Variants in MAST2 observed in about 807,000 individuals in gnomAD.
MAST2 encodes the protein microtubule associated serine/threonine kinase 2, also known as microtubule-associated serine/threonine-protein kinase 2.
MAST2 carries 70 observed loss-of-function variants against 147.4 expected under a neutral mutation model. The observed-to-expected ratio is 0.47, with a 90% confidence interval of 0.39 to 0.58. The LOEUF is 0.58. Ranked by LOEUF, MAST2 falls within the 20% of genes least tolerant of loss-of-function variation. MAST2 has a pLI of 0.00. For missense variants in MAST2, 2,080 were observed against 2,302.3 expected (o/e 0.90, Z 1.98); for synonymous variants, 869 against 896.8 (o/e 0.97, Z 0.55).
In MAST2 at chr1:46,032,698, G is replaced by T; in HGVS notation, c.3517G>T (p.Val1173Leu). ...EPVHGLVHTE[V>L]VELILKSGNK... ...TGTGCATGGCCTGGTGCACACGGAG[G>T]TGGTAGAGCTGATCCTGAAGGTTAG... is the stretch of plus-strand genomic sequence containing the variant. The change falls in exon 26 of 29, where the codon GTG becomes TTG. Residue 1173 changes from valine (V) to leucine (L), a missense_variant. By Grantham distance (32) the Val-to-Leu change is conservative. Transcript: ENST00000361297. 6.2e-7 allele frequency: 1 copy of T among 1,613,980 alleles called. No individual in the cohort carries two copies. The highest frequency in any genetic ancestry group is 1.7e-4 in the Middle Eastern group (1 of 6,058).
chr1:45,997,533 A>G (rs774192618), intron 5 of MAST2, among the ~76,000 whole-genome samples, 191 bp from the exon 6 acceptor site: 7 of 152,188 alleles, frequency 4.6e-5, no homozygotes, highest in African/African-American at 1.2e-4. Context: ...TTGTTACAGC[A>G]AACTTGGGAA....
chr1:45,992,693 A>C (rs1266894560), intron 5 of MAST2, among the ~76,000 whole-genome samples: 1 of 152,060 alleles, frequency 6.6e-6, no homozygotes, highest in Non-Finnish European at 1.5e-5. Flanking sequence ...TTAGCTATTG[A>C]CTCAGTTTCT....
intron 22 of MAST2, 95 bp downstream of exon 22, chr1:46,030,856 G>A (rs1646631470): frequency 6.8e-7 from 1 of 1,476,756 alleles, no homozygotes; most frequent in Non-Finnish European, 9.0e-7. Context: ...AGGAGTGCAG[G>A]TGGCAGGGAG....
intron 5 of MAST2, among the ~76,000 whole-genome samples, chr1:45,962,615 GTTGT>G (rs1485512168): frequency 6.6e-6 from 1 of 152,146 alleles, no homozygotes; most frequent in Admixed American, 6.5e-5. Flanking sequence ...TTGTGATGGG[GTTGT>G]TTGTTTTTTT....
intron 3 of MAST2, among the ~76,000 whole-genome samples, chr1:45,836,840 A>G (rs1196350757): frequency 6.6e-6 from 1 of 152,028 alleles, no homozygotes; most frequent in Non-Finnish European, 1.5e-5. Context: ...GCATTCCCCA[A>G]CCTTTTTGGC....
At chr1:45,965,795 T>C (rs1316184613) in intron 5 of MAST2, among the ~76,000 whole-genome samples, 1 of 152,014 alleles carries the variant, frequency 6.6e-6, no homozygotes, top group African/African-American at 2.4e-5. Context: ...ATAAACCATA[T>C]ACCCCCTGCC....
At chr1:45,865,918 T>G (rs781063519) in intron 3 of MAST2, among the ~76,000 whole-genome samples, 2 of 152,206 alleles carry the variant, frequency 1.3e-5, no homozygotes, top group Non-Finnish European at 2.9e-5. Context: ...AAGATTCTAG[T>G]GTAAATCACT....
rs758738026 is a variant in MAST2 at position 46,032,167 on chromosome 1, T to C, written c.3188-11T>C. 1 of 1,611,716 alleles carries C rather than the reference T, an allele frequency of 6.2e-7. No individual in the cohort carries two copies. Among genetic ancestry groups the C allele is most frequent in the Non-Finnish European group, 8.5e-7 (1 of 1,177,806 alleles). ...CTCTGACCCACTAAGTCCTGGCTTC[T>C]CCTTCTCCAGAACACCACACCTGCT... On this transcript the variant is annotated splice_polypyrimidine_tract_variant and intron_variant, in intron 24 of 28. Coordinates refer to ENST00000361297, the MANE Select transcript of MAST2 (RefSeq NM_015112.3).
chr1:46,032,166 C>T lies in MAST2; in HGVS notation c.3188-12C>T. Reference sequence around the variant, plus strand: ...CCTCTGACCCACTAAGTCCTGGCTTCTCCTTCTCCAGAACACCACACCTGC... The same window carrying T: ...CCTCTGACCCACTAAGTCCTGGCTTTTCCTTCTCCAGAACACCACACCTGC... On this transcript the variant is annotated splice_polypyrimidine_tract_variant and intron_variant, in intron 24 of 28. Coordinates refer to ENST00000361297, the MANE Select transcript of MAST2 (RefSeq NM_015112.3). 2.5e-6 allele frequency: 4 copies of T among 1,611,378 alleles called. No homozygotes were observed. Among genetic ancestry groups the T allele is most frequent in the Non-Finnish European group, 3.4e-6 (4 of 1,177,488 alleles).
chr1:46,017,528 A>T (rs1646005116), intron 10 of MAST2, among the ~76,000 whole-genome samples: 1 of 152,254 alleles, frequency 6.6e-6, no homozygotes, highest in Admixed American at 6.5e-5. Flanking sequence ...GACACTTCTC[A>T]AAAGAAGACA....
intron 4 of MAST2, chr1:45,913,473 T>G: frequency 4.3e-5 from 21 of 488,900 alleles, no homozygotes; most frequent in Non-Finnish European, 5.3e-5. Context: ...TTGCAACTGA[T>G]TTGTGGGGGA....
intron 21 of MAST2, 63 bp from the exon 22 acceptor site, chr1:46,030,544 T>A (rs1646608005): frequency 6.5e-7 from 1 of 1,532,194 alleles, no homozygotes; most frequent in African/African-American, 1.4e-5. Flanking sequence ...CCAAGGATGC[T>A]TTATGCCACT....
chr1:45,869,702 A>T (rs955337063), intron 3 of MAST2, among the ~76,000 whole-genome samples: 1 of 152,164 alleles, frequency 6.6e-6, no homozygotes, highest in East Asian at 1.9e-4. Context: ...TTTGCATTTT[A>T]AAAAATGTTT....
At chr1:45,940,155 G>C (rs1253242813) in intron 4 of MAST2, among the ~76,000 whole-genome samples, 1 of 151,146 alleles carries the variant, frequency 6.6e-6, no homozygotes, top group Non-Finnish European at 1.5e-5. Context: ...GCCACGCCTG[G>C]CTAATTTTTG....
chr1:45,944,685 C>G (rs1657788180), intron 4 of MAST2, among the ~76,000 whole-genome samples: 1 of 152,184 alleles, frequency 6.6e-6, no homozygotes, highest in Non-Finnish European at 1.5e-5. Context: ...TCTTCTAGAG[C>G]CTTCTCGTCT....
chr1:46,019,745 A>T, intron 11 of MAST2, 48 bp downstream of exon 11: 1 of 1,503,944 alleles, frequency 6.6e-7, no homozygotes, highest in Non-Finnish European at 9.3e-7. Context: ...GAGGAGGACT[A>T]TAGAGGAAGT....
chr1:45,940,033 G>T (rs1443025129), intron 4 of MAST2, among the ~76,000 whole-genome samples: 1 of 98,574 alleles, frequency 1.0e-5, no homozygotes, highest in Non-Finnish European at 1.9e-5. Flanking sequence ...GCCCAGGCTG[G>T]AGTGCTGTGG....
intron 5 of MAST2, among the ~76,000 whole-genome samples, chr1:45,996,136 T>C (rs1156690410): frequency 2.0e-5 from 3 of 151,904 alleles, no homozygotes; most frequent in East Asian, 3.9e-4. Context: ...GTGTGTGTTA[T>C]GTAACCCTAG....
Position 46,028,632 on chromosome 1 carries a change from C to A in MAST2, c.2053-136C>A, listed in dbSNP as rs911368135. ...CTTGTTCCCTGGGGCTTCTGTTGAT[C>A]TTGTTCATTAACTAAGGTGGGCTGA... On this transcript the variant is annotated intron_variant, in intron 17 of 28. Coordinates refer to ENST00000361297, the MANE Select transcript of MAST2 (RefSeq NM_015112.3). The A allele has an allele frequency of 7.1e-6, 6 of 841,298 alleles. No individual in the cohort carries two copies. In the African/African-American group the frequency reaches 1.0e-4, roughly 14 times the overall value. 52.1% of individuals were successfully genotyped at this position (841,298 alleles called of 1,614,324 possible).
Sources: gnomAD v4.1 joint callset for allele counts (sites outside exome capture counted in the v4.1 genomes callset) on GRCh38, gnomAD v4.1.1 for gene constraint, MANE v1.5 for transcripts, NCBI Gene and HGNC (gene_info 2026-07-23, HGNC 2026-07-21) for gene names.